Variants in RMDN2 observed in about 807,000 individuals in gnomAD.
RMDN2 encodes the protein regulator of microtubule dynamics 2, also known as regulator of microtubule dynamics protein 2.
Under a neutral mutation model 52.8 loss-of-function variants are expected in RMDN2, and 61 were observed. The ratio of observed to expected loss-of-function variants is 1.16; its 90% CI spans 0.94 to 1.43. The LOEUF (loss-of-function observed/expected upper bound fraction) is 1.43, where lower values mean the gene tolerates loss of function less well. RMDN2 is among the 40% of genes most tolerant of loss of function. The pLI, the probability that RMDN2 is intolerant of heterozygous loss-of-function variation, is 0.00. For missense variants in RMDN2, 592 were observed against 475.3 expected (o/e 1.25, Z -2.28); for synonymous variants, 180 against 153.1 (o/e 1.18, Z -1.30).
At chr2:37,994,269 G>A (rs1675209068) in intron 7 of RMDN2, among the ~76,000 whole-genome samples, 1 of 152,262 alleles carries the variant, frequency 6.6e-6, no homozygotes, top group South Asian at 2.1e-4. Flanking sequence ...TAAAATAAGA[G>A]GAATTGGCAT....
At chr2:37,997,273 G>A in intron 7 of RMDN2, 143 bp from the exon 8 acceptor site, 2 of 637,312 alleles carry the variant, frequency 3.1e-6, no homozygotes, top group South Asian at 3.7e-5. Context: ...TATTATTTAT[G>A]GATATATGTT....
At chr2:37,925,815 GCAAA>G (rs1027059894) in intron 1 of RMDN2, among the ~76,000 whole-genome samples, 18 of 152,292 alleles carry the variant, frequency 1.2e-4, no homozygotes, top group African/African-American at 3.9e-4. Context: ...TCAGCCTTGC[GCAAA>G]CATTTTGTTT....
chr2:38,013,783 A>T (rs919113644), intron 10 of RMDN2, among the ~76,000 whole-genome samples: 1 of 152,172 alleles, frequency 6.6e-6, no homozygotes, highest in Admixed American at 6.5e-5. Context: ...TCTTGTCAAA[A>T]TCCTGTAATG....
intron 10 of RMDN2, among the ~76,000 whole-genome samples, chr2:38,006,653 G>A (rs1452201492): frequency 3.3e-5 from 5 of 152,140 alleles, no homozygotes; most frequent in Non-Finnish European, 5.9e-5. Context: ...TCTGCAAACA[G>A]GGACAATTTG....
In RMDN2 at chr2:37,943,650, A is replaced by T. The variant is rs143347490; in HGVS notation, c.452+13921A>T. ...AAATGTACTAGAACAGGAATTGGCA[A>T]ACTTTTTCTGTAAGAATTTTAGGTT... On this transcript the variant is annotated intron_variant, in intron 2 of 10. Transcript: ENST00000354545. 4.3e-4 allele frequency among the ~76,000 whole-genome samples: 66 copies of T among 152,348 alleles called. 1 individual carries two copies. In the South Asian group the frequency reaches 0.012, roughly 29 times the overall value.
At chr2:37,993,357 G>A (rs1038740762) in intron 7 of RMDN2, among the ~76,000 whole-genome samples, 9 of 152,122 alleles carry the variant, frequency 5.9e-5, no homozygotes, top group Non-Finnish European at 1.3e-4. Context: ...ATCAGCTTCC[G>A]CCAAGGTAAT....
chr2:38,003,328 G>C (rs988748915), intron 8 of RMDN2, among the ~76,000 whole-genome samples: 1 of 152,094 alleles, frequency 6.6e-6, no homozygotes, highest in African/African-American at 2.4e-5. Context: ...CGAGGAGGGT[G>C]GATCACCTGA....
chr2:38,001,655 A>T (rs572441290), intron 8 of RMDN2, among the ~76,000 whole-genome samples: 7 of 152,232 alleles, frequency 4.6e-5, no homozygotes, highest in African/African-American at 7.2e-5. Context: ...GTTATCCCCA[A>T]TATGGGATTC....
chr2:37,997,343 G>T (rs77579045), intron 7 of RMDN2, 73 bp from the exon 8 acceptor site: 2 of 909,620 alleles, frequency 2.2e-6, no homozygotes, highest in Middle Eastern at 2.5e-4. Context: ...ACACACACAC[G>T]TCTAACTGGG....
At chr2:37,991,150 G>A (rs1674736360) in intron 6 of RMDN2, 70 bp from the exon 7 acceptor site, 3 of 773,060 alleles carry the variant, frequency 3.9e-6, no homozygotes, top group Admixed American at 2.4e-5. Context: ...GAGTTACTAG[G>A]CTTTGGTGTA....
chr2:37,926,360 C>A (rs1666275541), intron 1 of RMDN2, among the ~76,000 whole-genome samples: 1 of 152,168 alleles, frequency 6.6e-6, no homozygotes, highest in East Asian at 1.9e-4. Context: ...GAAAACATTT[C>A]ATATTCTATT....
intron 10 of RMDN2, among the ~76,000 whole-genome samples, chr2:38,007,320 G>A (rs1677249330): frequency 6.6e-6 from 1 of 152,172 alleles, no homozygotes; most frequent in South Asian, 2.1e-4. Context: ...ATTTGGCTGT[G>A]AATCCATCTG....
intron 4 of RMDN2, 93 bp from the exon 5 acceptor site, chr2:37,981,190 G>A (rs1673263949): frequency 3.6e-6 from 3 of 824,934 alleles, no homozygotes; most frequent in African/African-American, 3.4e-5. Context: ...TTCTGGTCTT[G>A]GGACCATACT....
At chr2:38,047,414 AT>A (rs1681338199) in intron 10 of RMDN2, among the ~76,000 whole-genome samples, 1 of 152,252 alleles carries the variant, frequency 6.6e-6, no homozygotes, top group Non-Finnish European at 1.5e-5. Context: ...TATCCATATA[AT>A]GGAATATCAT....
At chr2:37,935,758 A>AT (rs915050112) in intron 2 of RMDN2, among the ~76,000 whole-genome samples, 1 of 152,048 alleles carries the variant, frequency 6.6e-6, no homozygotes, top group East Asian at 1.9e-4. Flanking sequence ...TTTGCAATAA[A>AT]TTTTTTTGAG....
intron 2 of RMDN2, among the ~76,000 whole-genome samples, chr2:37,970,583 C>G (rs573194156): frequency 2.8e-4 from 43 of 152,008 alleles, no homozygotes; most frequent in African/African-American, 1.0e-3. Context: ...TTTAGTAATT[C>G]TTTAGAAGAA....
At chr2:37,924,062 T>C (rs1666111143), upstream of RMDN2, among the ~76,000 whole-genome samples, 2 of 152,108 alleles carry the variant, frequency 1.3e-5, no homozygotes. Flanking sequence ...AAATTACTTT[T>C]AATAAAATGA....
intron 8 of RMDN2, among the ~76,000 whole-genome samples, chr2:38,000,780 A>G (rs1676211238): frequency 6.6e-6 from 1 of 152,208 alleles, no homozygotes; most frequent in Non-Finnish European, 1.5e-5. Flanking sequence ...GTTTGATGCT[A>G]TTTTGCATAA....
intron 5 of RMDN2, among the ~76,000 whole-genome samples, chr2:37,988,028 C>T (rs961041593): frequency 4.6e-5 from 7 of 152,220 alleles, no homozygotes; most frequent in Non-Finnish European, 1.0e-4. Context: ...CACTGCACTC[C>T]AGACTGGGCG....
Sources: gnomAD v4.1 joint callset for allele counts (sites outside exome capture counted in the v4.1 genomes callset) on GRCh38, gnomAD v4.1.1 for gene constraint, MANE v1.5 for transcripts, NCBI Gene and HGNC (gene_info 2026-07-23, HGNC 2026-07-21) for gene names.